ACSM5: variants seen among roughly 807,000 people sequenced by gnomAD.
The protein encoded by ACSM5 is acyl-CoA synthetase medium chain family member 5.
In ACSM5, 56 loss-of-function variants were observed where a neutral mutation model predicts 71.6. The ratio of observed to expected loss-of-function variants is 0.78; its 90% confidence interval spans 0.63 to 0.98. The LOEUF (loss-of-function observed/expected upper bound fraction) is 0.98. ACSM5 is among the 50% of genes least tolerant of loss of function. The probability of loss-of-function intolerance (pLI) is 0.00; values close to 1 mark genes in which losing one functional copy is unlikely to be tolerated. For synonymous variants in ACSM5, 285 were observed against 281.5 expected (o/e 1.01, Z -0.12); for missense variants, 723 against 726.0 (o/e 1.00, Z 0.05).
intron 12 of ACSM5, among the ~76,000 whole-genome samples, chr16:20,437,698 C>T (rs1304096001): frequency 6.7e-6 from 1 of 148,900 alleles, no homozygotes; most frequent in Middle Eastern, 3.4e-3. Context: ...CAGATGAGGA[C>T]ATAGCAAGCA....
intron 12 of ACSM5, among the ~76,000 whole-genome samples, chr16:20,438,124 G>A (rs1050373130): frequency 1.3e-5 from 2 of 151,868 alleles, no homozygotes; most frequent in Admixed American, 6.6e-5. Flanking sequence ...CACCGTGCCC[G>A]GCTAGGAGAA....
rs148458265 is a variant in ACSM5, at chr16:20,418,263, C to A, written c.409C>A (p.Arg137=). ...GTGGCTGGTCAGTGTGGCTTGCATG[C>A]GGACAGGTCAGTAAGCAGGGCTGGG... ...EWWLVSVACM[R]TGTVMIPGVT... Residue 137 remains arginine (R), a synonymous_variant, in exon 3 of 14, where the codon CGG becomes AGG. Transcript: ENST00000331849. 6.2e-7 allele frequency: 1 copy of A among 1,609,622 alleles called. No homozygotes were observed. Among genetic ancestry groups the A allele is most frequent in the Non-Finnish European group, 8.5e-7 (1 of 1,178,468 alleles).
chr16:20,415,891 T>A (rs1966855405), intron 2 of ACSM5, among the ~76,000 whole-genome samples: 1 of 152,208 alleles, frequency 6.6e-6, no homozygotes, highest in South Asian at 2.1e-4. Flanking sequence ...TATCCCTACT[T>A]CATCATTGTA....
chr16:20,439,546 A>T, intron 12 of ACSM5, among the ~76,000 whole-genome samples: 1 of 151,016 alleles, frequency 6.6e-6, no homozygotes, highest in East Asian at 2.0e-4. Flanking sequence ...TGTCATTCCA[A>T]GTATGGGGAG....
At chr16:20,420,538 T>C (rs1966873836) in intron 4 of ACSM5, among the ~76,000 whole-genome samples, 1 of 152,076 alleles carries the variant, frequency 6.6e-6, no homozygotes, top group Non-Finnish European at 1.5e-5. Flanking sequence ...AGGCAGAGGT[T>C]GCAGTGAGCC....
Position 20,437,322 on chromosome 16 carries a change from C to T in ACSM5, c.1491C>T (p.Val497=), listed in dbSNP as rs141463270. ...VESALAEHPA[V]LESAVVSSPD... ...GTGCCCTGGCAGAGCATCCTGCTGT[C>T]CTGGAGTCGGCTGTGGTCAGCAGCC... Residue 497 remains valine, a synonymous_variant, in exon 12 of 14, where the codon GTC becomes GTT. Transcript: ENST00000331849. 1.5e-4 allele frequency: 235 copies of T among 1,614,060 alleles called. 3 individuals carry two copies. In the African/African-American group the frequency reaches 2.8e-3, roughly 19 times the overall value.
At chr16:20,424,422 T>C (rs1966937518) in intron 6 of ACSM5, among the ~76,000 whole-genome samples, 1 of 152,208 alleles carries the variant, frequency 6.6e-6, no homozygotes, top group Non-Finnish European at 1.5e-5. Flanking sequence ...TCCATGGTTC[T>C]TAACATGAGT....
chr16:20,411,193 C>T (rs1158801149), intron 1 of ACSM5, among the ~76,000 whole-genome samples: 1 of 152,142 alleles, frequency 6.6e-6, no homozygotes, highest in East Asian at 1.9e-4. Context: ...TGAGGGATTC[C>T]TTTTGAAGTA....
At chr16:20,411,744 A>G (rs1966848239) in intron 2 of ACSM5, 56 bp downstream of exon 2, 8 of 1,554,652 alleles carry the variant, frequency 5.1e-6, no homozygotes, top group Admixed American at 1.7e-5. Flanking sequence ...GCCCTCATGT[A>G]CCACAATGAG....
chr16:20,436,453 C>T (rs886618256), intron 10 of ACSM5, among the ~76,000 whole-genome samples: 10 of 152,172 alleles, frequency 6.6e-5, no homozygotes, highest in Non-Finnish European at 1.3e-4. Flanking sequence ...TCACTGCAAC[C>T]TCTGCCTCCC....
rs753814935 is a variant in ACSM5 at position 20,421,376 on chromosome 16, G to A, written c.742G>A (p.Gly248Arg). 59 of 1,601,566 alleles carry A rather than the reference G, an allele frequency of 3.7e-5. No individual in the cohort carries two copies. Among genetic ancestry groups the A allele is most frequent in the Non-Finnish European group, 4.7e-5 (55 of 1,173,020 alleles). ...KMVEHSQSSY[G>R]LGFVASGRRW... ...GGTCGAGCACTCCCAGAGCAGCTAC[G>A]GACTGGGTTTTGTGGCCAGCGGAAG... The change falls in exon 5 of 14, where the codon GGA becomes AGA. Residue 248 changes from glycine to arginine, a missense_variant. Gly to Arg is a moderately radical substitution (Grantham distance 125). Transcript: ENST00000331849.
intron 6 of ACSM5, among the ~76,000 whole-genome samples, chr16:20,427,304 A>T (rs561722192): frequency 3.7e-4 from 57 of 152,180 alleles, no homozygotes; most frequent in Non-Finnish European, 7.6e-4. Context: ...CATCTCAAAA[A>T]ACCAAACAAA....
intron 9 of ACSM5, 30 bp downstream of exon 9, chr16:20,431,103 C>T (rs374284157): frequency 2.1e-4 from 342 of 1,607,626 alleles, no homozygotes; most frequent in Admixed American, 4.5e-4. Flanking sequence ...TCTGGCAAGG[C>T]CTGGCATGGA....
intron 1 of ACSM5, among the ~76,000 whole-genome samples, chr16:20,411,200 A>G (rs1406227199): frequency 1.3e-5 from 2 of 152,180 alleles, no homozygotes; most frequent in East Asian, 1.9e-4. Flanking sequence ...TTCCTTTTGA[A>G]GTATTGAGGT....
intron 5 of ACSM5, among the ~76,000 whole-genome samples, chr16:20,421,656 T>TATATACAC (rs1395366828): frequency 4.7e-5 from 5 of 106,070 alleles, no homozygotes; most frequent in African/African-American, 1.5e-4. Flanking sequence ...TATATATATA[T>TATATACAC]ACACACACAC....
At position 20,438,574 on chromosome 16, in the gene ACSM5, G is replaced by A. The variant is rs183410609; in HGVS notation, c.1536+1207G>A. Among the ~76,000 whole-genome samples the A allele has an allele frequency of 3.7e-4, 56 of 151,862 alleles. 1 individual carries two copies. The highest frequency in any genetic ancestry group is 1.7e-3 in the Admixed American group (26 of 15,222). ...AAACGTATGCCTAGTTCTGCATGCC[G>A]TGAGTTAACTGGGACTGTGACAAAT... On this transcript the variant is annotated intron_variant, in intron 12 of 13. Coordinates refer to ENST00000331849, the MANE Select transcript of ACSM5 (RefSeq NM_017888.3).
chr16:20,438,181 C>G (rs549531081), intron 12 of ACSM5, among the ~76,000 whole-genome samples: 25 of 151,986 alleles, frequency 1.6e-4, no homozygotes, highest in South Asian at 8.4e-4. Context: ...GAAAGATCAG[C>G]TAACAGGCAG....
chr16:20,431,240 C>T lies in ACSM5; in HGVS notation c.1227C>T (p.Asn409=), dbSNP rs78006992. The T allele has an allele frequency of 5.4e-4, 875 of 1,613,794 alleles. 13 individuals carry two copies. The South Asian group carries it at 8.8e-3, about 16-fold the overall frequency. The change falls in exon 10 of 14, where the codon AAC becomes AAT. Residue 409 remains asparagine (N), a synonymous_variant. Coordinates refer to ENST00000331849, the MANE Select transcript of ACSM5 (RefSeq NM_017888.3). ...YDVQIVDDEG[N]VLPPGEEGNV... ...ACCAGATTGTGGATGATGAGGGCAA[C>T]GTCCTGCCTCCTGGAGAAGAGGGGA...
intron 2 of ACSM5, among the ~76,000 whole-genome samples, chr16:20,415,221 T>C (rs1177394461): frequency 6.6e-6 from 1 of 152,186 alleles, no homozygotes; most frequent in African/African-American, 2.4e-5. Context: ...TTCTCAGCCT[T>C]CCTATATTAT....
Sources: allele counts gnomAD v4.1 joint callset (sites outside exome capture counted in the v4.1 genomes callset), GRCh38; gene constraint gnomAD v4.1.1; transcripts MANE v1.5; gene names NCBI Gene and HGNC (gene_info 2026-07-23, HGNC 2026-07-21).